Variants in SASH1 observed in about 807,000 individuals in gnomAD.
The protein encoded by SASH1 is SAM and SH3 domain containing 1.
In SASH1, 44 loss-of-function variants were observed where a neutral mutation model predicts 125.2. The ratio of observed to expected loss-of-function variants is 0.35; its 90% CI spans 0.28 to 0.45. The LOEUF is 0.45. SASH1 is among the 20% of genes least tolerant of loss of function. The pLI is 1.00. For missense variants in SASH1, 1,426 were observed against 1,614.5 expected (o/e 0.88, Z 2.00); for synonymous variants, 639 against 649.1 (o/e 0.98, Z 0.24).
At chr6:148,259,674 T>C in the SASH1 span, among the ~76,000 whole-genome samples, 1 of 152,122 alleles carries the variant, frequency 6.6e-6, no homozygotes. Flanking sequence ...ATAAATGAAA[T>C]ATAAGGTCAA....
chr6:148,278,906 T>G (rs1218765835), intron 1 of SASH1: 1 of 152,104 alleles, frequency 6.6e-6, no homozygotes, highest in African/African-American at 2.4e-5. Context: ...CAAGAAAATA[T>G]AGAACACTAA....
chr6:148,343,356 A>G (rs944297984), intron 1 of SASH1, 133 bp downstream of exon 1: 1 of 749,004 alleles, frequency 1.3e-6, no homozygotes, highest in Non-Finnish European at 2.1e-6. Context: ...TCTAGTTCTT[A>G]GGGGGCTAAA....
At chr6:148,384,452 A>T (rs1393089826) in intron 1 of SASH1, among the ~76,000 whole-genome samples, 2 of 152,208 alleles carry the variant, frequency 1.3e-5, no homozygotes, top group Non-Finnish European at 2.9e-5. Context: ...AGATGATTTT[A>T]AGTCTTATTA....
At position 148,495,364 on chromosome 6, in the gene SASH1, T is replaced by G. The variant is rs1162493615; in HGVS notation, c.729+7649T>G. Among the ~76,000 whole-genome samples the G allele has an allele frequency of 6.6e-6, 1 of 152,228 alleles. No homozygotes were observed. Among genetic ancestry groups the G allele is most frequent in the Non-Finnish European group, 1.5e-5 (1 of 68,030 alleles). ...AGCATCCTTCTACTTGTATAACCACTGTCGTCTTTTATAGAATCTGCTATT... is the reference window on the plus strand; with the variant it reads ...AGCATCCTTCTACTTGTATAACCACGGTCGTCTTTTATAGAATCTGCTATT... On this transcript the variant is annotated intron_variant, in intron 8 of 19. Transcript: ENST00000367467. The surrounding 1 kb of genome is among the most constrained non-coding windows in gnomAD (Gnocchi z 4.0).
chr6:148,486,047 C>G (rs1778823893), intron 7 of SASH1, among the ~76,000 whole-genome samples: 1 of 152,148 alleles, frequency 6.6e-6, no homozygotes, highest in Non-Finnish European at 1.5e-5. Context: ...AATTTGCTCA[C>G]TTATTTGGGA....
the SASH1 span, among the ~76,000 whole-genome samples, chr6:148,240,346 A>C: frequency 2.6e-5 from 4 of 152,168 alleles, no homozygotes; most frequent in African/African-American, 9.7e-5. Flanking sequence ...GTTTTCATGG[A>C]ATAATTGCTA....
intron 2 of SASH1, 27 bp from the exon 3 acceptor site, chr6:148,440,157 G>C: frequency 4.3e-6 from 7 of 1,612,582 alleles, no homozygotes; most frequent in Non-Finnish European, 5.9e-6. Context: ...TGGAAGTCCC[G>C]TTAAACTGGC....
rs144015016 is a variant in SASH1, at chr6:148,521,376, C to T, written c.1209+1483C>T. Among the ~76,000 whole-genome samples, 8 of 152,276 alleles carry T rather than the reference C, an allele frequency of 5.3e-5. No individual in the cohort carries two copies. The East Asian group carries it at 1.2e-3, about 22-fold the overall frequency. ...CCCGTTCATGAACAGGATGTTCTTC[C>T]CCAGACGATCAGTGTAATTTAAATT... On this transcript the variant is annotated intron_variant, in intron 10 of 19. Transcript: ENST00000367467.
At chr6:148,198,858 A>G in the SASH1 span, among the ~76,000 whole-genome samples, 7 of 152,342 alleles carry the variant, frequency 4.6e-5, no homozygotes, top group East Asian at 5.8e-4. Flanking sequence ...AACAGAATCA[A>G]AAGATGACAA....
chr6:148,277,771 C>T (rs1779225962), intron 1 of SASH1, among the ~76,000 whole-genome samples: 1 of 151,840 alleles, frequency 6.6e-6, no homozygotes, highest in Non-Finnish European at 1.5e-5. Context: ...GGCTGGAGTA[C>T]AGTGGCGTGA....
At chr6:148,376,057 G>A in intron 1 of SASH1, among the ~76,000 whole-genome samples, 1 of 151,962 alleles carries the variant, frequency 6.6e-6, no homozygotes, top group East Asian at 1.9e-4. Flanking sequence ...GGGGTAAACT[G>A]GTTTCTTTCT....
At chr6:148,194,627 T>A in the SASH1 span, among the ~76,000 whole-genome samples, 1 of 152,146 alleles carries the variant, frequency 6.6e-6, no homozygotes, top group African/African-American at 2.4e-5. Context: ...AATGTTCAGG[T>A]CCAGGTGCGG....
intron 4 of SASH1, among the ~76,000 whole-genome samples, chr6:148,452,149 G>C (rs9373562): frequency 0.26 from 39,869 of 152,214 alleles, 6,394 homozygotes; most frequent in East Asian, 0.43. Flanking sequence ...AGGCACACTA[G>C]GGTGGGAAGC....
rs976373105 is a variant in SASH1 at position 148,549,849 on chromosome 6, A to G, written c.*1291A>G. ...TTTGAAATGGAGTTTCGCTCTTGTC[A>G]CCCAGGCTGGAGTGCAATGGCACGA... On this transcript the variant is annotated 3_prime_UTR_variant, in exon 20 of 20. Transcript: ENST00000367467. The G allele has an allele frequency of 1.1e-4, 33 of 290,144 alleles. No homozygotes were observed. The highest frequency in any genetic ancestry group is 2.5e-5 in the Non-Finnish European group (4 of 159,082). 18.0% of individuals were successfully genotyped at this position (290,144 alleles called of 1,614,324 possible).
chr6:148,442,782 A>G lies in SASH1; in HGVS notation c.386+2375A>G, dbSNP rs184315597. Reference sequence around the variant, plus strand: ...CTTTTCTTTTCTTTTTTATTTATTTATTTATTTTTGAGAGGGAGTATCGCT... The same window carrying G: ...CTTTTCTTTTCTTTTTTATTTATTTGTTTATTTTTGAGAGGGAGTATCGCT... On this transcript the variant is annotated intron_variant, in intron 4 of 19. Transcript: ENST00000367467. Among the ~76,000 whole-genome samples the G allele has an allele frequency of 6.0e-3, 913 of 151,018 alleles. 4 individuals carry two copies. Among genetic ancestry groups the G allele is most frequent in the Middle Eastern group, 0.051 (15 of 294 alleles).
the SASH1 span, among the ~76,000 whole-genome samples, chr6:148,244,456 C>T: frequency 7.0e-4 from 107 of 152,260 alleles, no homozygotes; most frequent in Middle Eastern, 6.8e-3. Flanking sequence ...ACACACCCAG[C>T]GGTAGGACGT....
At chr6:148,232,639 G>T in the SASH1 span, among the ~76,000 whole-genome samples, 1 of 152,152 alleles carries the variant, frequency 6.6e-6, no homozygotes, top group Non-Finnish European at 1.5e-5. Context: ...AGATGGGATT[G>T]GCCCTCAAGA....
At chr6:148,510,018 A>T (rs1483120999) in intron 8 of SASH1, among the ~76,000 whole-genome samples, 6 of 152,210 alleles carry the variant, frequency 3.9e-5, no homozygotes, top group Non-Finnish European at 8.8e-5. Flanking sequence ...ATGGTGTGCT[A>T]TCTCTTTAAA....
intron 5 of SASH1, 31 bp from the exon 6 acceptor site, chr6:148,471,386 C>CTTTTTTTTTT (rs35487674): frequency 8.5e-5 from 43 of 503,564 alleles, no homozygotes; most frequent in South Asian, 2.5e-4. Context: ...GCTTTTTGTT[C>CTTTTTTTTTT]TTTTTTTTTT....
Sources: allele counts gnomAD v4.1 joint callset (sites outside exome capture counted in the v4.1 genomes callset), GRCh38; gene constraint gnomAD v4.1.1; non-coding constraint Gnocchi (gnomAD v3.1); transcripts MANE v1.5; gene names NCBI Gene and HGNC (gene_info 2026-07-23, HGNC 2026-07-21).